Variants in TIAM2 observed in about 807,000 individuals in gnomAD.
The protein encoded by TIAM2 is rho guanine nucleotide exchange factor TIAM2.
Under a neutral mutation model 152.9 loss-of-function variants are expected in TIAM2, and 80 were observed. The ratio of observed to expected loss-of-function variants is 0.52; its 90% CI spans 0.44 to 0.63. The LOEUF (loss-of-function observed/expected upper bound fraction) is 0.63. Among genes scored for constraint, TIAM2 ranks in the 30% least tolerant of loss-of-function variants. The probability of loss-of-function intolerance (pLI) is 0.00; values close to 1 mark genes in which losing one functional copy is unlikely to be tolerated. For synonymous variants in TIAM2, 804 were observed against 838.0 expected (o/e 0.96, Z 0.70); for missense variants, 1,965 against 2,120.1 (o/e 0.93, Z 1.44).
chr6:155,110,109 C>T (rs370476538), intron 2 of TIAM2, among the ~76,000 whole-genome samples: 21 of 151,782 alleles, frequency 1.4e-4, no homozygotes, highest in East Asian at 1.4e-3. Flanking sequence ...CCACTACGCC[C>T]GGCTAATTTT....
intron 19 of TIAM2, among the ~76,000 whole-genome samples, chr6:155,247,603 C>T (rs1390306340): frequency 1.3e-5 from 2 of 152,214 alleles, no homozygotes; most frequent in African/African-American, 2.4e-5. Context: ...GCTGGGATTA[C>T]GGGCGTGAGC....
Position 155,130,265 on chromosome 6 carries a change from G to A in TIAM2, c.1042G>A (p.Gly348Arg), listed in dbSNP as rs376983079. Residue 348 changes from glycine (G) to arginine (R), a missense_variant, in exon 4 of 27, where the codon GGG becomes AGG. Gly to Arg is a moderately radical substitution (Grantham distance 125). Coordinates refer to ENST00000682666, the MANE Select transcript of TIAM2 (RefSeq NM_012454.4). ...DIDVPSRVAH[G>R]DPIQYSSFTL... ...TGATGTGCCCTCCAGAGTGGCACAC[G>A]GGGACCCCATCCAGTACAGTTCCTT... 1,283 of 1,614,138 alleles carry A rather than the reference G, an allele frequency of 7.9e-4. 22 individuals carry two copies. In the South Asian group the frequency reaches 0.012, roughly 16 times the overall value.
chr6:155,096,074 T>C lies in TIAM2; in HGVS notation c.-118+5695T>C, dbSNP rs560828775. On this transcript the variant is annotated intron_variant, in intron 2 of 26. Coordinates refer to ENST00000682666, the MANE Select transcript of TIAM2 (RefSeq NM_012454.4). The stretch of plus-strand genomic sequence containing the variant: ...TCATTTACATAAAAGTATTATCCGT[T>C]ACTCTTTGTAAAGCATTTTATTTAA... Among the ~76,000 whole-genome samples the C allele has an allele frequency of 2.0e-5, 3 of 152,350 alleles. No homozygotes were observed. In the South Asian group the frequency reaches 6.2e-4, roughly 32 times the overall value.
At chr6:155,171,342 C>T (rs575500786) in intron 9 of TIAM2, among the ~76,000 whole-genome samples, 5 of 152,316 alleles carry the variant, frequency 3.3e-5, no homozygotes, top group South Asian at 2.1e-4. Flanking sequence ...GAGTCTTACA[C>T]GGCCTTTGAA....
intron 1 of TIAM2, among the ~76,000 whole-genome samples, chr6:155,028,066 TATA>T (rs1209064774): frequency 1.6e-5 from 2 of 124,314 alleles, no homozygotes; most frequent in Non-Finnish European, 3.2e-5. Flanking sequence ...ATATACTATA[TATA>T]ATATATGTAC....
chr6:155,084,565 TCTC>T (rs1463618039), intron 1 of TIAM2, among the ~76,000 whole-genome samples: 1 of 151,904 alleles, frequency 6.6e-6, no homozygotes, highest in African/African-American at 2.4e-5. Flanking sequence ...TATACCTTGT[TCTC>T]CTTCTAGCTG....
At chr6:155,208,754 C>T (rs947423554) in intron 14 of TIAM2, among the ~76,000 whole-genome samples, 2 of 152,126 alleles carry the variant, frequency 1.3e-5, no homozygotes, top group African/African-American at 4.8e-5. Flanking sequence ...TCAACCATCC[C>T]TTTTTTCTGT....
At chr6:155,075,622 T>A (rs1333254082) in intron 1 of TIAM2, among the ~76,000 whole-genome samples, 2 of 152,224 alleles carry the variant, frequency 1.3e-5, no homozygotes, top group East Asian at 3.8e-4. Context: ...TTATTCAGAT[T>A]TTTGAATATT....
chr6:155,200,883 C>CA (rs1391056389), intron 14 of TIAM2, among the ~76,000 whole-genome samples: 1 of 152,154 alleles, frequency 6.6e-6, no homozygotes, highest in East Asian at 1.9e-4. Context: ...AGCCTGGTGA[C>CA]AGAGCGAGAC....
chr6:155,162,681 C>T (rs1780302974), intron 7 of TIAM2, among the ~76,000 whole-genome samples: 1 of 152,172 alleles, frequency 6.6e-6, no homozygotes, highest in African/African-American at 2.4e-5. Context: ...GTAAACTTTC[C>T]TAGGCCTCAG....
intron 3 of TIAM2, among the ~76,000 whole-genome samples, chr6:155,128,021 A>C (rs1779336442): frequency 6.6e-6 from 1 of 152,138 alleles, no homozygotes; most frequent in African/African-American, 2.4e-5. Context: ...TTTCAGAATC[A>C]AAAGAGATGG....
chr6:155,042,090 C>G (rs1448872442), intron 1 of TIAM2, among the ~76,000 whole-genome samples: 2 of 151,814 alleles, frequency 1.3e-5, no homozygotes, highest in Admixed American at 6.6e-5. Flanking sequence ...CCTGTGGCCT[C>G]CTGGCTGGTG....
intron 12 of TIAM2, 141 bp from the exon 13 acceptor site, chr6:155,182,085 C>A: frequency 1.5e-6 from 1 of 664,726 alleles, no homozygotes; most frequent in Non-Finnish European, 2.7e-6. Context: ...GATATTTATA[C>A]TTTCAAAATA....
chr6:155,246,444 T>C (rs1783337046), intron 19 of TIAM2, among the ~76,000 whole-genome samples: 1 of 152,318 alleles, frequency 6.6e-6, no homozygotes, highest in South Asian at 2.1e-4. Context: ...CTGAACTCTG[T>C]TGCCATTTCC....
At chr6:155,101,231 T>C (rs1778542914) in intron 2 of TIAM2, among the ~76,000 whole-genome samples, 1 of 152,248 alleles carries the variant, frequency 6.6e-6, no homozygotes, top group South Asian at 2.1e-4. Flanking sequence ...CTCAGGCAGA[T>C]ACTTGGTGTG....
chr6:155,204,054 T>TG (rs1440124234), intron 14 of TIAM2, among the ~76,000 whole-genome samples: 5 of 152,162 alleles, frequency 3.3e-5, no homozygotes, highest in African/African-American at 1.2e-4. Flanking sequence ...AGTTGGGACA[T>TG]GGTTGCTGGA....
At chr6:155,101,953 T>C (rs1212077030) in intron 2 of TIAM2, among the ~76,000 whole-genome samples, 1 of 151,962 alleles carries the variant, frequency 6.6e-6, no homozygotes, top group Non-Finnish European at 1.5e-5. Flanking sequence ...CTGCCTGCCT[T>C]GGCCTCCCAA....
intron 1 of TIAM2, among the ~76,000 whole-genome samples, chr6:155,017,916 G>A (rs1220408718): frequency 6.6e-6 from 1 of 152,198 alleles, no homozygotes; most frequent in African/African-American, 2.4e-5. Flanking sequence ...ATGGGGCTGT[G>A]AAGCACTTTG....
intron 14 of TIAM2, among the ~76,000 whole-genome samples, chr6:155,189,728 A>G (rs1027538489): frequency 2.0e-5 from 3 of 149,618 alleles, no homozygotes; most frequent in African/African-American, 7.3e-5. Flanking sequence ...GGCTCCAAAG[A>G]AAAAAAAAAT....
Sources: gnomAD v4.1 joint callset for allele counts (sites outside exome capture counted in the v4.1 genomes callset) on GRCh38, gnomAD v4.1.1 for gene constraint, MANE v1.5 for transcripts, NCBI Gene and HGNC (gene_info 2026-07-23, HGNC 2026-07-21) for gene names.